CACNA1H: variants seen among roughly 807,000 people sequenced by gnomAD.
The protein encoded by CACNA1H is calcium voltage-gated channel subunit alpha1 H.
Under a neutral mutation model 192.5 loss-of-function variants are expected in CACNA1H, and 149 were observed. The ratio of observed to expected loss-of-function variants is 0.77; its 90% CI spans 0.68 to 0.89. CACNA1H has a LOEUF of 0.89. Among genes scored for constraint, CACNA1H ranks in the 40% least tolerant of loss-of-function variants. The pLI is 0.00. For synonymous variants in CACNA1H, 2,202 were observed against 1,475.2 expected (o/e 1.49, Z -11.29); for missense variants, 4,257 against 3,423.5 (o/e 1.24, Z -6.08).
intron 2 of CACNA1H, among the ~76,000 whole-genome samples, chr16:1,186,712 C>T (rs897610203): frequency 9.9e-5 from 15 of 152,026 alleles, no homozygotes; most frequent in Admixed American, 6.5e-5. Flanking sequence ...ACCACCGCCT[C>T]CTCAACGGGT....
At chr16:1,189,397 CTTTTTTTTT>C (rs3990780) in intron 2 of CACNA1H, among the ~76,000 whole-genome samples, 24 of 45,022 alleles carry the variant, frequency 5.3e-4, no homozygotes, top group Non-Finnish European at 6.2e-4. Flanking sequence ...GAAGAGTGTC[CTTTTTTTTT>C]TTTTTTTTTT....
At position 1,200,287 on chromosome 16, in the gene CACNA1H, T is replaced by C; in HGVS notation, c.835T>C (p.Tyr279His). 6.2e-7 allele frequency: 1 copy of C among 1,605,020 alleles called. No homozygotes were observed. The highest frequency in any genetic ancestry group is 2.2e-5 in the East Asian group (1 of 44,602). The change falls in exon 7 of 35, where the codon TAC becomes CAC. Residue 279 changes from tyrosine to histidine, a missense_variant. Tyr to His is a moderately conservative substitution (Grantham distance 83). Coordinates refer to ENST00000348261, the MANE Select transcript of CACNA1H (RefSeq NM_021098.3). Reference sequence around the variant, plus strand: ...CAACCTGACCTTCCTGCGGCCGTACTACCAGACGGAGGAGGGCGAGGAGAA... The same window carrying C: ...CAACCTGACCTTCCTGCGGCCGTACCACCAGACGGAGGAGGGCGAGGAGAA... ...NNNLTFLRPY[Y>H]QTEEGEENPF...
rs116955166 is a variant in CACNA1H at position 1,173,722 on chromosome 16, G to A, written c.299+19686G>A. On this transcript the variant is annotated intron_variant, in intron 2 of 34. Transcript: ENST00000348261. The stretch of plus-strand genomic sequence containing the variant: ...AGGAGGGTGGGGCTCCCCGGCCGCC[G>A]TGCTGAGAACCACTGGTCTAAACCA... 3.1e-3 allele frequency among the ~76,000 whole-genome samples: 477 copies of A among 152,362 alleles called. 16 individuals carry two copies. The East Asian group carries it at 0.083, about 26-fold the overall frequency.
chr16:1,199,685 C>G (rs370271620), intron 6 of CACNA1H, among the ~76,000 whole-genome samples: 1 of 149,288 alleles, frequency 6.7e-6, no homozygotes, highest in Admixed American at 6.6e-5. Flanking sequence ...CGGGTTCTCC[C>G]CTCAATTCTC....
chr16:1,163,611 G>A (rs1359950574), intron 2 of CACNA1H, among the ~76,000 whole-genome samples: 1 of 152,262 alleles, frequency 6.6e-6, no homozygotes, highest in Non-Finnish European at 1.5e-5. Flanking sequence ...CGCCAGCCCT[G>A]GCTGTGGTCT....
At chr16:1,215,625 G>GC in intron 30 of CACNA1H, 32 bp downstream of exon 30, 3 of 1,585,284 alleles carry the variant, frequency 1.9e-6, no homozygotes, top group Non-Finnish European at 2.6e-6. Context: ...CTCAGCGCAG[G>GC]CCCCCGGAAG....
rs750165729 is a variant in CACNA1H, at chr16:1,218,049, C to T, written c.5445+9C>T. The T allele has an allele frequency of 3.3e-5, 52 of 1,596,110 alleles. No homozygotes were observed. The highest frequency in any genetic ancestry group is 1.7e-4 in the South Asian group (15 of 88,410). Reference sequence around the variant, plus strand: ...GGAACGGGATCATGAAGGTACCCGCCGCGGCCATGCCTCTGGCACCTGGCA... The same window carrying T: ...GGAACGGGATCATGAAGGTACCCGCTGCGGCCATGCCTCTGGCACCTGGCA... On this transcript the variant is annotated intron_variant, in intron 32 of 34. Coordinates refer to ENST00000348261, the MANE Select transcript of CACNA1H (RefSeq NM_021098.3).
Position 1,209,104 on chromosome 16 carries a change from A to G in CACNA1H, c.3436A>G (p.Ser1146Gly), listed in dbSNP as rs1422326010. 1.0e-5 allele frequency: 16 copies of G among 1,551,290 alleles called. No individual in the cohort carries two copies. The South Asian group carries it at 1.6e-4, about 15-fold the overall frequency. Residue 1146 changes from serine to glycine, a missense_variant, in exon 17 of 35, where the codon AGC becomes GGC. Ser to Gly is a moderately conservative substitution (Grantham distance 56). Transcript: ENST00000348261. The part of the protein sequence containing the change: ...GAWSSRRSSW[S>G]SLGRAPSLKR... ...CTGGAGCAGCCGGCGCTCCAGCTGG[A>G]GCAGCCTGGGCCGTGCCCCCAGCCT...
intron 18 of CACNA1H, 28 bp from the exon 19 acceptor site, chr16:1,210,342 C>CCCCCCG: frequency 7.0e-6 from 7 of 999,084 alleles, no homozygotes; most frequent in Non-Finnish European, 1.0e-5. Flanking sequence ...CGCCCCGCCC[C>CCCCCCG]ACCTCTCACC....
chr16:1,193,513 G>A (rs550983534), intron 2 of CACNA1H, among the ~76,000 whole-genome samples: 4 of 152,388 alleles, frequency 2.6e-5, no homozygotes, highest in East Asian at 1.9e-4. Flanking sequence ...CGCTGGGGTC[G>A]CAGTGGGTGC....
chr16:1,218,162 A>AC, intron 32 of CACNA1H, 48 bp from the exon 33 acceptor site: 1 of 1,534,418 alleles, frequency 6.5e-7, no homozygotes, highest in Non-Finnish European at 8.8e-7. Context: ...CCAGGGTGGC[A>AC]CCCGCGGGTG....
In CACNA1H at chr16:1,180,517, C is replaced by T. The variant is rs1173218124; in HGVS notation, c.300-14455C>T. 4.6e-5 allele frequency among the ~76,000 whole-genome samples: 7 copies of T among 152,110 alleles called. No individual in the cohort carries two copies. The highest frequency in any genetic ancestry group is 7.4e-5 in the Non-Finnish European group (5 of 67,988). ...GTCCCTGGCGTCCCCATACCCCCTCCGAGGCACAGCCACAGTCTCTGGGTC... is the reference window on the plus strand; with the variant it reads ...GTCCCTGGCGTCCCCATACCCCCTCTGAGGCACAGCCACAGTCTCTGGGTC... On this transcript the variant is annotated intron_variant, in intron 2 of 34. Coordinates refer to ENST00000348261, the MANE Select transcript of CACNA1H (RefSeq NM_021098.3). The surrounding 1 kb of genome is among the most constrained non-coding windows in gnomAD (Gnocchi z 4.4).
chr16:1,217,191 T>G (rs541390716), intron 31 of CACNA1H, among the ~76,000 whole-genome samples, 181 bp downstream of exon 31: 1 of 152,300 alleles, frequency 6.6e-6, no homozygotes, highest in Admixed American at 6.5e-5. Flanking sequence ...AGGCCGAGTC[T>G]CGTGTTGACG....
chr16:1,158,205 C>G (rs916506497), intron 2 of CACNA1H, among the ~76,000 whole-genome samples: 2 of 152,190 alleles, frequency 1.3e-5, no homozygotes, highest in African/African-American at 4.8e-5. Flanking sequence ...CCTCCCCACC[C>G]CCACAGCTGA....
chr16:1,171,352 A>T (rs1321642863), intron 2 of CACNA1H, among the ~76,000 whole-genome samples: 2 of 152,084 alleles, frequency 1.3e-5, no homozygotes, highest in Non-Finnish European at 2.9e-5. Flanking sequence ...CGAGGCCCAG[A>T]TGGGCCAGTG....
At position 1,201,641 on chromosome 16, in the gene CACNA1H, T is replaced by TA. The variant is rs772012804; in HGVS notation, c.1213-21dup. Reference sequence around the variant, plus strand: ...AGAGACTCGCTCACTCACTGCCACTTACCCGCCCGCCCCCGTCACAGGTGG... The same window carrying TA: ...AGAGACTCGCTCACTCACTGCCACTTAACCCGCCCGCCCCCGTCACAGGTGG... On this transcript the variant is annotated intron_variant, in intron 8 of 34. Transcript: ENST00000348261. 26 of 1,548,250 alleles carry TA rather than the reference T, an allele frequency of 1.7e-5. No homozygotes were observed. In the African/African-American group the frequency reaches 3.4e-4, roughly 20 times the overall value.
At chr16:1,172,001 G>T (rs1482776553) in intron 2 of CACNA1H, among the ~76,000 whole-genome samples, 1 of 152,208 alleles carries the variant, frequency 6.6e-6, no homozygotes, top group Non-Finnish European at 1.5e-5. Flanking sequence ...TGGGCCCCCC[G>T]CCAGGTGCTG....
In CACNA1H at chr16:1,180,478, G is replaced by A. The variant is rs560064235; in HGVS notation, c.300-14494G>A. Among the ~76,000 whole-genome samples the A allele has an allele frequency of 6.6e-5, 10 of 152,288 alleles. No homozygotes were observed. Among genetic ancestry groups the A allele is most frequent in the African/African-American group, 2.4e-4 (10 of 41,566 alleles). On this transcript the variant is annotated intron_variant, in intron 2 of 34. Coordinates refer to ENST00000348261, the MANE Select transcript of CACNA1H (RefSeq NM_021098.3). This position sits in a 1 kb window ranked among gnomAD's most constrained non-coding sequence, Gnocchi z 4.4. Reference sequence around the variant, plus strand: ...GGACTGGAGGTGCCGTGGAGGGTGGGCCTGTGTCCTGGTGTCCCTGGCGTC... The same window carrying A: ...GGACTGGAGGTGCCGTGGAGGGTGGACCTGTGTCCTGGTGTCCCTGGCGTC...
At chr16:1,193,816 G>A (rs1391848019) in intron 2 of CACNA1H, among the ~76,000 whole-genome samples, 2 of 152,138 alleles carry the variant, frequency 1.3e-5, no homozygotes, top group African/African-American at 2.4e-5. Context: ...AGCTGCTGGG[G>A]TCCCTGGGGG....
Sources: allele counts gnomAD v4.1 joint callset (sites outside exome capture counted in the v4.1 genomes callset), GRCh38; gene constraint gnomAD v4.1.1; non-coding constraint Gnocchi (gnomAD v3.1); transcripts MANE v1.5; gene names NCBI Gene and HGNC (gene_info 2026-07-23, HGNC 2026-07-21).